KSR2: variants seen among roughly 807,000 people sequenced by gnomAD.
The protein encoded by KSR2 is kinase suppressor of ras 2.
In KSR2, 25 loss-of-function variants were observed where a neutral mutation model predicts 107.8. The observed-to-expected ratio is 0.23, with a 90% confidence interval of 0.17 to 0.32. The LOEUF is 0.32. KSR2 is among the 10% of genes least tolerant of loss of function. The pLI, the probability that KSR2 is intolerant of heterozygous loss-of-function variation, is 1.00. For missense variants in KSR2, 887 were observed against 1,268.9 expected (o/e 0.70, Z 4.57); for synonymous variants, 480 against 507.0 (o/e 0.95, Z 0.71).
intron 4 of KSR2, among the ~76,000 whole-genome samples, chr12:117,734,749 C>CATGGATGG (rs1240974255): frequency 6.7e-5 from 10 of 149,052 alleles, no homozygotes; most frequent in African/African-American, 2.0e-4. Context: ...TGCATGCATG[C>CATGGATGG]ATGCATGGAT....
At chr12:117,571,257 C>CA (rs1175149423) in intron 7 of KSR2, among the ~76,000 whole-genome samples, 2 of 151,464 alleles carry the variant, frequency 1.3e-5, no homozygotes, top group African/African-American at 4.8e-5. Context: ...GACTCTGTCT[C>CA]AAAAAAGAAA....
rs569351086 is a variant in KSR2 at position 117,530,416 on chromosome 12, A to G, written c.1802+525T>C. Among the ~76,000 whole-genome samples the G allele has an allele frequency of 4.6e-5, 7 of 152,340 alleles. No homozygotes were observed. In the South Asian group the frequency reaches 1.2e-3, roughly 27 times the overall value. On this transcript the variant is annotated intron_variant, in intron 12 of 19. Transcript: ENST00000339824. The stretch of plus-strand genomic sequence containing the variant: ...CTGCATGGAGAAAGCAACCATGCAC[A>G]ATACATTGTAAACAAATAGGCATGG...
At chr12:117,619,372 C>T (rs1163636432) in intron 5 of KSR2, among the ~76,000 whole-genome samples, 2 of 151,968 alleles carry the variant, frequency 1.3e-5, no homozygotes, top group African/African-American at 4.8e-5. Flanking sequence ...TCCCTCCACC[C>T]CACAACAGGC....
rs1345127198 is a variant in KSR2, at chr12:117,459,821, G to A, written c.*7378C>T. 1 of 152,176 alleles carries A rather than the reference G, an allele frequency of 6.6e-6. No individual in the cohort carries two copies. The highest frequency in any genetic ancestry group is 1.5e-5 in the Non-Finnish European group (1 of 68,034). The allele number at this position is 152,176 out of a possible 1,614,324, so 9.4% of individuals were successfully genotyped here. ...TCTAAGCTACCTTTCTCATCTCCTA[G>A]CAGTGTCTATGAATGCTAGTGGTCA... On this transcript the variant is annotated 3_prime_UTR_variant, in exon 20 of 20. Transcript: ENST00000339824.
rs5801257 is a variant in KSR2 at position 117,861,378 on chromosome 12, C to CTTTT, written c.181-951_181-948dup. Among the ~76,000 whole-genome samples the CTTTT allele has an allele frequency of 3.2e-4, 26 of 81,684 alleles. 2 individuals are homozygous for CTTTT. The highest frequency in any genetic ancestry group is 1.1e-3 in the African/African-American group (19 of 17,574). 53.6% of individuals were successfully genotyped at this position (81,684 alleles called of 152,430 possible). ...TCTGTCCACAAGGACTCCCAATTCG[C>CTTTT]TTTTTTTTTTTTTTTTTTTTTTTTT... On this transcript the variant is annotated intron_variant, in intron 1 of 19. Transcript: ENST00000339824.
intron 4 of KSR2, among the ~76,000 whole-genome samples, chr12:117,715,019 G>GA (rs1274592177): frequency 7.9e-5 from 12 of 151,692 alleles, no homozygotes; most frequent in Non-Finnish European, 1.2e-4. Flanking sequence ...CAGAGCCCCA[G>GA]AAAAAAAACT....
rs761050229 is a variant in KSR2, at chr12:117,476,550, C to T, written c.2496G>A (p.Leu832=). 6.2e-7 allele frequency: 1 copy of T among 1,611,350 alleles called. No individual in the cohort carries two copies. Among genetic ancestry groups the T allele is most frequent in the Non-Finnish European group, 8.5e-7 (1 of 1,178,956 alleles). The stretch of plus-strand genomic sequence containing the variant: ...ACAGCTGGCGGATGATCTCTGGTGC[C>T]AGGTGGCATAGCCAGCCATTCTGGA... ...LRIQNGWLCH[L]APEIIRQLSP... is the part of the protein sequence containing the mutation. The change falls in exon 17 of 20, where the codon CTG becomes CTA. Residue 832 remains leucine, a synonymous_variant. Coordinates refer to ENST00000339824, the MANE Select transcript of KSR2 (RefSeq NM_173598.6).
chr12:117,854,838 C>A (rs1301085822), intron 3 of KSR2, among the ~76,000 whole-genome samples: 9 of 150,862 alleles, frequency 6.0e-5, no homozygotes, highest in Admixed American at 2.0e-4. Context: ...GGCCCCCAAA[C>A]TGATAGAACA....
intron 5 of KSR2, among the ~76,000 whole-genome samples, chr12:117,660,300 A>G (rs1884376678): frequency 6.6e-6 from 1 of 152,214 alleles, no homozygotes; most frequent in Non-Finnish European, 1.5e-5. Context: ...TCTAGAGGCC[A>G]GAAGTCCAAG....
At chr12:117,578,098 G>A (rs1879399019) in intron 7 of KSR2, among the ~76,000 whole-genome samples, 1 of 152,056 alleles carries the variant, frequency 6.6e-6, no homozygotes, top group Non-Finnish European at 1.5e-5. Flanking sequence ...AGCTTGGGTG[G>A]TACGGCCTTC....
At chr12:117,475,933 G>C (rs2137122775) in intron 17 of KSR2, among the ~76,000 whole-genome samples, 1 of 152,300 alleles carries the variant, frequency 6.6e-6, no homozygotes, top group South Asian at 2.1e-4. Flanking sequence ...TCCAACAGCT[G>C]TGTGAGTGGG....
At chr12:117,659,477 A>G (rs915131064) in intron 5 of KSR2, among the ~76,000 whole-genome samples, 1 of 152,118 alleles carries the variant, frequency 6.6e-6, no homozygotes, top group Non-Finnish European at 1.5e-5. Flanking sequence ...TACAGACAAA[A>G]AGTGTCACCA....
rs984372929 is a variant in KSR2, at chr12:117,907,115, C to T, written c.181-46684G>A. On this transcript the variant is annotated intron_variant, in intron 1 of 19. Coordinates refer to ENST00000339824, the MANE Select transcript of KSR2 (RefSeq NM_173598.6). The surrounding 1 kb of genome is among the most constrained non-coding windows in gnomAD (Gnocchi z 4.3). ...CACTTTGGGAACCACTGCCCTTCAACAATTCTATTATCCCCCCTTTGGATA... is the reference window on the plus strand; with the variant it reads ...CACTTTGGGAACCACTGCCCTTCAATAATTCTATTATCCCCCCTTTGGATA... Among the ~76,000 whole-genome samples the T allele has an allele frequency of 2.0e-5, 3 of 152,230 alleles. No individual in the cohort carries two copies. The highest frequency in any genetic ancestry group is 2.0e-4 in the Admixed American group (3 of 15,284).
chr12:117,686,969 G>T (rs1017889256), intron 4 of KSR2, among the ~76,000 whole-genome samples: 2 of 152,214 alleles, frequency 1.3e-5, no homozygotes, highest in African/African-American at 2.4e-5. Context: ...TGCTGGGGCT[G>T]GCGGGCTGGC....
intron 5 of KSR2, among the ~76,000 whole-genome samples, chr12:117,610,057 C>G (rs1351147005): frequency 6.6e-6 from 1 of 152,132 alleles, no homozygotes; most frequent in Non-Finnish European, 1.5e-5. Context: ...CCCTGGATGG[C>G]GGCAGCTTGG....
chr12:117,859,461 A>ATTTTTT (rs35142684), intron 2 of KSR2, among the ~76,000 whole-genome samples: 3 of 130,646 alleles, frequency 2.3e-5, no homozygotes, highest in African/African-American at 8.8e-5. Context: ...TTTTTTATTT[A>ATTTTTT]TTTTTTTTTT....
intron 1 of KSR2, among the ~76,000 whole-genome samples, chr12:117,880,021 C>T (rs1893976019): frequency 6.6e-6 from 1 of 152,144 alleles, no homozygotes; most frequent in Admixed American, 6.5e-5. Flanking sequence ...TGATATGTGC[C>T]TGTAATCCCA....
intron 3 of KSR2, among the ~76,000 whole-genome samples, chr12:117,831,366 C>T (rs1891957531): frequency 6.6e-6 from 1 of 152,208 alleles, no homozygotes; most frequent in Non-Finnish European, 1.5e-5. Context: ...GAAGCAGGGG[C>T]AGGACAGCCC....
chr12:117,524,829 G>A (rs1193590362), intron 14 of KSR2, 23 bp downstream of exon 14: 9 of 1,579,814 alleles, frequency 5.7e-6, no homozygotes, highest in African/African-American at 1.4e-5. Context: ...CAATCCCTGG[G>A]TAGAAGCCCA....
Sources: allele counts gnomAD v4.1 joint callset (sites outside exome capture counted in the v4.1 genomes callset), GRCh38; gene constraint gnomAD v4.1.1; non-coding constraint Gnocchi (gnomAD v3.1); transcripts MANE v1.5; gene names NCBI Gene and HGNC (gene_info 2026-07-23, HGNC 2026-07-21).